Variants in MALT1 observed in about 807,000 individuals in gnomAD.
MALT1 encodes the protein mucosa-associated lymphoid tissue lymphoma translocation protein 1.
Under a neutral mutation model 85.5 loss-of-function variants are expected in MALT1, and 36 were observed. The observed-to-expected ratio is 0.42, with a 90% CI of 0.32 to 0.56. The LOEUF (loss-of-function observed/expected upper bound fraction) is 0.56, where lower values mean the gene tolerates loss of function less well. Ranked by LOEUF, MALT1 falls within the 20% of genes least tolerant of loss-of-function variation. The pLI is 0.10. For synonymous variants in MALT1, 359 were observed against 361.3 expected, an observed-to-expected ratio of 0.99 and a Z score of 0.07; for missense variants, 716 against 981.6, an observed-to-expected ratio of 0.73 and a Z score of 3.62.
intron 2 of MALT1, among the ~76,000 whole-genome samples, chr18:58,695,008 C>T (rs1286442089): frequency 1.3e-5 from 2 of 152,062 alleles, no homozygotes; most frequent in Non-Finnish European, 2.9e-5. Context: ...ATCATGGGGG[C>T]AGGTCTTTCT....
chr18:58,677,966 G>A (rs2054265344), intron 1 of MALT1, among the ~76,000 whole-genome samples: 1 of 152,168 alleles, frequency 6.6e-6, no homozygotes, highest in South Asian at 2.1e-4. Context: ...AATAAGCATA[G>A]TTAAGAAGTT....
At chr18:58,678,748 T>C (rs967745843) in intron 1 of MALT1, among the ~76,000 whole-genome samples, 2 of 152,220 alleles carry the variant, frequency 1.3e-5, no homozygotes, top group African/African-American at 4.8e-5. Context: ...TGATAGAGAC[T>C]CTATGGCCCA....
intron 1 of MALT1, among the ~76,000 whole-genome samples, chr18:58,679,499 A>G (rs1250035097): frequency 6.6e-6 from 1 of 152,264 alleles, no homozygotes; most frequent in African/African-American, 2.4e-5. Flanking sequence ...CATTTGGCCC[A>G]CAGGCCATGG....
intron 2 of MALT1, among the ~76,000 whole-genome samples, chr18:58,693,622 A>G (rs899702458): frequency 6.6e-6 from 1 of 152,188 alleles, no homozygotes; most frequent in South Asian, 2.1e-4. Context: ...GCCAGTGCCC[A>G]TTTACCATTC....
chr18:58,723,685 T>C (rs1169246708), intron 10 of MALT1, among the ~76,000 whole-genome samples: 1 of 152,236 alleles, frequency 6.6e-6, no homozygotes, highest in African/African-American at 2.4e-5. Context: ...GCATGGTCTT[T>C]TCTAGTCTTT....
intron 2 of MALT1, among the ~76,000 whole-genome samples, chr18:58,691,887 AC>A (rs1450191179): frequency 6.6e-6 from 1 of 150,514 alleles, no homozygotes; most frequent in East Asian, 1.9e-4. Context: ...AAAAAAAACA[AC>A]AAAAAATTAG....
chr18:58,694,003 AT>A (rs1208459833), intron 2 of MALT1, among the ~76,000 whole-genome samples: 5 of 152,238 alleles, frequency 3.3e-5, no homozygotes, highest in Admixed American at 6.5e-5. Flanking sequence ...ATGTGGGGAC[AT>A]TAAAATACAG....
At chr18:58,707,024 T>G (rs2054761901) in intron 4 of MALT1, among the ~76,000 whole-genome samples, 1 of 152,034 alleles carries the variant, frequency 6.6e-6, no homozygotes, top group African/African-American at 2.4e-5. Flanking sequence ...TGTAAGCTCT[T>G]TTTTTTTCTT....
In MALT1 at chr18:58,752,637, A is replaced by AAC. The variant is rs1491203009; in HGVS notation, c.*4795_*4796insAC. The AAC allele has an allele frequency of 7.9e-6, 1 of 126,376 alleles. No homozygotes were observed. The highest frequency in any genetic ancestry group is 1.7e-5 in the Non-Finnish European group (1 of 58,042). 7.8% of individuals were successfully genotyped at this position (126,376 alleles called of 1,614,324 possible). ...CTACCAAAAAAAAAAAAAAAAAAAA[A>AAC]GCAAAAACAAAAATTAACTGGGCAT... On this transcript the variant is annotated 3_prime_UTR_variant, in exon 17 of 17. Coordinates refer to ENST00000649217, the MANE Select transcript of MALT1 (RefSeq NM_006785.4).
intron 2 of MALT1, 49 bp downstream of exon 2, chr18:58,681,385 T>C (rs1417567774): frequency 6.6e-7 from 1 of 1,516,000 alleles, no homozygotes; most frequent in African/African-American, 1.4e-5. Flanking sequence ...GGAGCCAAAC[T>C]TAGAAGAAAT....
intron 9 of MALT1, among the ~76,000 whole-genome samples, chr18:58,717,723 G>A (rs2054922865): frequency 6.8e-6 from 1 of 147,580 alleles, no homozygotes; most frequent in East Asian, 2.0e-4. Flanking sequence ...TCCAGCCTGG[G>A]CGACAGAGTA....
intron 13 of MALT1, among the ~76,000 whole-genome samples, chr18:58,738,047 G>GTAGA (rs2055249508): frequency 1.3e-5 from 2 of 152,162 alleles, no homozygotes; most frequent in South Asian, 4.1e-4. Context: ...TTCATTGTGA[G>GTAGA]TAGATGTTCG....
intron 4 of MALT1, among the ~76,000 whole-genome samples, chr18:58,707,361 C>CTT (rs199919132): frequency 8.8e-5 from 12 of 136,966 alleles, no homozygotes; most frequent in Middle Eastern, 3.9e-3. Flanking sequence ...TTTTCTTTTT[C>CTT]TTTTTTTTTT....
chr18:58,751,548 TAAG>T lies in MALT1; in HGVS notation c.*3712_*3714del, dbSNP rs890740735. The T allele has an allele frequency of 2.0e-5, 3 of 152,232 alleles. No homozygotes were observed. Among genetic ancestry groups the T allele is most frequent in the Non-Finnish European group, 4.4e-5 (3 of 68,046 alleles). 9.4% of individuals were successfully genotyped at this position (152,232 alleles called of 1,614,324 possible). On this transcript the variant is annotated 3_prime_UTR_variant, in exon 17 of 17. Transcript: ENST00000649217. ...TAAACATGTAATTTTAAAACGGGCT[TAAG>T]AAGAATGATAACAGTTTTGGTCTTC...
At chr18:58,691,161 G>A (rs1352270625) in intron 2 of MALT1, 1 of 250,852 alleles carries the variant, frequency 4.0e-6, no homozygotes, top group African/African-American at 2.4e-5. Context: ...ATGTTCTCGA[G>A]GCCTTCTGTC....
intron 13 of MALT1, among the ~76,000 whole-genome samples, chr18:58,738,787 T>TTTG (rs1422035253): frequency 1.1e-5 from 1 of 95,196 alleles, no homozygotes; most frequent in Non-Finnish European, 2.3e-5. Flanking sequence ...TTGTGCATTC[T>TTTG]TCTGTGTGTG....
intron 4 of MALT1, among the ~76,000 whole-genome samples, chr18:58,704,332 A>G (rs2054715216): frequency 2.0e-5 from 3 of 152,218 alleles, no homozygotes; most frequent in Non-Finnish European, 2.9e-5. Context: ...ATCTTGGCCA[A>G]CATTGGTTGT....
intron 2 of MALT1, chr18:58,690,527 C>CGGA (rs2054482001): frequency 1.2e-5 from 2 of 171,188 alleles, no homozygotes; most frequent in Non-Finnish European, 2.7e-5. Flanking sequence ...GGAGCCCATC[C>CGGA]CCTCTGTGAG....
At chr18:58,686,885 A>G (rs2054412658) in intron 2 of MALT1, among the ~76,000 whole-genome samples, 1 of 152,218 alleles carries the variant, frequency 6.6e-6, no homozygotes, top group Admixed American at 6.5e-5. Flanking sequence ...TTAACCAACA[A>G]ACATTTACAT....
Sources: gnomAD v4.1 joint callset for allele counts (sites outside exome capture counted in the v4.1 genomes callset) on GRCh38, gnomAD v4.1.1 for gene constraint, MANE v1.5 for transcripts, NCBI Gene and HGNC (gene_info 2026-07-23, HGNC 2026-07-21) for gene names.